Variants in BMPR2 observed in about 807,000 individuals in gnomAD.
The protein encoded by BMPR2 is bone morphogenetic protein receptor type 2, also known as bone morphogenetic protein receptor type-2.
In BMPR2, 29 loss-of-function variants were observed where a neutral mutation model predicts 100.8. That is an observed-to-expected ratio of 0.29 (90% CI 0.21 to 0.39). BMPR2 has a LOEUF of 0.39. BMPR2 is among the 10% of genes least tolerant of loss of function. BMPR2 has a pLI of 1.00. For synonymous variants in BMPR2, 382 were observed against 442.3 expected, an observed-to-expected ratio of 0.86 and a Z score of 1.71; for missense variants, 1,011 against 1,274.5, an observed-to-expected ratio of 0.79 and a Z score of 3.15.
Position 202,555,882 on chromosome 2 carries a change from T to A in BMPR2, c.2217T>A (p.Pro739=), listed in dbSNP as rs761854016. Residue 739 remains proline (P), a synonymous_variant, in exon 12 of 13, where the codon CCT becomes CCA. Coordinates refer to ENST00000374580, the MANE Select transcript of BMPR2 (RefSeq NM_001204.7). ...GQACLIPDVL[P]TQIYPLPKQQ... ...CATGTTTGATTCCTGATGTTCTGCC[T>A]ACTCAGATCTATCCTCTCCCCAAGC... 1.2e-6 allele frequency: 2 copies of A among 1,614,172 alleles called. No individual in the cohort carries two copies. Among genetic ancestry groups the A allele is most frequent in the South Asian group, 2.2e-5 (2 of 91,092 alleles).
In BMPR2 at chr2:202,495,255, G is replaced by A. The variant is rs1034540388; in HGVS notation, c.419-18464G>A. ...ACCTGGGCTTGGAGAATGAGTGCAAGGTTTATTAGTAGAAGTAGCTCTCAG... is the reference window on the plus strand; with the variant it reads ...ACCTGGGCTTGGAGAATGAGTGCAAAGTTTATTAGTAGAAGTAGCTCTCAG... On this transcript the variant is annotated intron_variant, in intron 3 of 12. Transcript: ENST00000374580. The surrounding 1 kb of genome is among the most constrained non-coding windows in gnomAD (Gnocchi z 4.5). Among the ~76,000 whole-genome samples, 1 of 152,204 alleles carries A rather than the reference G, an allele frequency of 6.6e-6. No homozygotes were observed. The highest frequency in any genetic ancestry group is 2.4e-5 in the African/African-American group (1 of 41,448).
chr2:202,517,764 A>G (rs933566432), intron 5 of BMPR2, among the ~76,000 whole-genome samples: 1 of 151,836 alleles, frequency 6.6e-6, no homozygotes, highest in Non-Finnish European at 1.5e-5. Flanking sequence ...TGGCTGTCCA[A>G]AATATGTCCT....
chr2:202,549,951 G>T (rs946952192), intron 10 of BMPR2, among the ~76,000 whole-genome samples: 5 of 152,084 alleles, frequency 3.3e-5, no homozygotes, highest in African/African-American at 1.2e-4. Flanking sequence ...TATCACCCAG[G>T]CTGGAGTACA....
intron 1 of BMPR2, among the ~76,000 whole-genome samples, chr2:202,463,210 G>A (rs1227893336): frequency 6.6e-6 from 1 of 152,150 alleles, no homozygotes; most frequent in Non-Finnish European, 1.5e-5. Context: ...GGGGTGGAAG[G>A]AGGGCAACAT....
At position 202,530,831 on chromosome 2, in the gene BMPR2, C is replaced by T; in HGVS notation, c.1005C>T (p.Asn335=). The T allele has an allele frequency of 6.2e-7, 1 of 1,613,542 alleles. No homozygotes were observed. Among genetic ancestry groups the T allele is most frequent in the Non-Finnish European group, 8.5e-7 (1 of 1,179,646 alleles). ...YKPAISHRDL[N]SRNVLVKNDG... ...CTGCAATTTCCCATCGAGATTTAAA[C>T]AGCAGAAATGTCCTAGTGAAAAATG... Residue 335 remains asparagine (N), a synonymous_variant, in exon 8 of 13, where the codon AAC becomes AAT. Transcript: ENST00000374580.
In BMPR2 at chr2:202,518,963, G is replaced by A. The variant is rs771996464; in HGVS notation, c.763G>A (p.Asp255Asn). 2.5e-6 allele frequency: 4 copies of A among 1,614,084 alleles called. No individual in the cohort carries two copies. The South Asian group carries it at 4.4e-5, about 18-fold the overall frequency. The change falls in exon 6 of 13, where the codon GAC becomes AAC. Residue 255 changes from aspartate to asparagine, a missense_variant. Physicochemically the swap from Asp to Asn is conservative, Grantham distance 23. Around this residue, in one of 6 missense-constraint regions of BMPR2, gnomAD observed 355 missense variants for 455.3 expected, o/e 0.78. Transcript: ENST00000374580. The part of the protein sequence containing the change: ...NIYRVPLMEH[D>N]NIARFIVGDE... Reference sequence around the variant, plus strand: ...TTACAGAGTGCCTTTGATGGAACATGACAACATTGCCCGCTTTATAGTTGG... The same window carrying A: ...TTACAGAGTGCCTTTGATGGAACATAACAACATTGCCCGCTTTATAGTTGG...
intron 1 of BMPR2, among the ~76,000 whole-genome samples, chr2:202,438,088 C>A (rs559083730): frequency 6.7e-6 from 1 of 149,920 alleles, no homozygotes; most frequent in Non-Finnish European, 1.5e-5. Context: ...TGAAGGTGGG[C>A]GGATCACCTG....
chr2:202,565,383 A>G lies in BMPR2; in HGVS notation c.*5437A>G, dbSNP rs1231747555. 2 of 152,270 alleles carry G rather than the reference A, an allele frequency of 1.3e-5. No individual in the cohort carries two copies. Among genetic ancestry groups the G allele is most frequent in the African/African-American group, 4.8e-5 (2 of 41,442 alleles). 9.4% of individuals were successfully genotyped at this position (152,270 alleles called of 1,614,324 possible). A position where few individuals can be genotyped will look rare whatever the true frequency, so the allele number is the denominator to read the frequency against. ...TATATTTTCTTTTATATTCAAATTCATTACTCCAGTTAAGTAATAGTTTGA... is the reference window on the plus strand; with the variant it reads ...TATATTTTCTTTTATATTCAAATTCGTTACTCCAGTTAAGTAATAGTTTGA... On this transcript the variant is annotated 3_prime_UTR_variant, in exon 13 of 13. Coordinates refer to ENST00000374580, the MANE Select transcript of BMPR2 (RefSeq NM_001204.7).
intron 7 of BMPR2, among the ~76,000 whole-genome samples, chr2:202,521,642 A>G (rs944312027): frequency 6.6e-6 from 1 of 151,682 alleles, no homozygotes; most frequent in Non-Finnish European, 1.5e-5. Flanking sequence ...ATCTGTTTGT[A>G]TTTCCTACCT....
chr2:202,454,838 G>A (rs183195854), intron 1 of BMPR2, among the ~76,000 whole-genome samples: 4 of 152,250 alleles, frequency 2.6e-5, no homozygotes, highest in African/African-American at 9.6e-5. Context: ...CAATAGACTC[G>A]ATGTCTTGAA....
rs757891434 is a variant in BMPR2 at position 202,542,266 on chromosome 2, A to G, written c.1277-45A>G. On this transcript the variant is annotated intron_variant, in intron 9 of 12. Coordinates refer to ENST00000374580, the MANE Select transcript of BMPR2 (RefSeq NM_001204.7). Reference sequence around the variant, plus strand: ...TACCCCTGTTATTCTATCATTTATGATAGTTAGAAATTTTATTCTGTCATT... The same window carrying G: ...TACCCCTGTTATTCTATCATTTATGGTAGTTAGAAATTTTATTCTGTCATT... 7 of 1,606,160 alleles carry G rather than the reference A, an allele frequency of 4.4e-6. No individual in the cohort carries two copies. The African/African-American group carries it at 5.3e-5, about 12-fold the overall frequency.
chr2:202,432,321 T>A (rs898799494), intron 1 of BMPR2, among the ~76,000 whole-genome samples: 1 of 150,858 alleles, frequency 6.6e-6, no homozygotes, highest in African/African-American at 2.5e-5. Context: ...GATTTATTCC[T>A]TGCCGGTTAT....
Position 202,562,285 on chromosome 2 carries a change from G to A in BMPR2, c.*2339G>A, listed in dbSNP as rs144896813. 240 of 152,412 alleles carry A rather than the reference G, an allele frequency of 1.6e-3. 1 individual carries two copies. Among genetic ancestry groups the A allele is most frequent in the African/African-American group, 5.3e-3 (218 of 41,458 alleles). The allele number at this position is 152,412 out of a possible 1,614,324, so 9.4% of individuals were successfully genotyped here. ...GGTTGTCCAACATTTTTTAATATTG[G>A]GAAAATTATGATAAAATGCTTTAAA... On this transcript the variant is annotated 3_prime_UTR_variant, in exon 13 of 13. Transcript: ENST00000374580.
chr2:202,480,953 T>TAAAAAAAAAA (rs71035011), intron 3 of BMPR2, among the ~76,000 whole-genome samples: 1 of 43,356 alleles, frequency 2.3e-5, no homozygotes, highest in African/African-American at 1.0e-4. Flanking sequence ...AGACTCCGTC[T>TAAAAAAAAAA]AAAAAAAAAA....
At chr2:202,445,772 T>A (rs1034474820) in intron 1 of BMPR2, among the ~76,000 whole-genome samples, 4 of 25,628 alleles carry the variant, frequency 1.6e-4, no homozygotes, top group East Asian at 3.0e-3. Flanking sequence ...ACAAACATAA[T>A]TTTTTTTTTT....
chr2:202,497,426 G>A (rs879576305), intron 3 of BMPR2, among the ~76,000 whole-genome samples: 16 of 152,202 alleles, frequency 1.1e-4, no homozygotes, highest in African/African-American at 3.4e-4. Flanking sequence ...AGTGACTAGC[G>A]CAGCTGCCAG....
In BMPR2 at chr2:202,542,304, T is replaced by C; in HGVS notation, c.1277-7T>C. 1 of 1,613,636 alleles carries C rather than the reference T, an allele frequency of 6.2e-7. No homozygotes were observed. On this transcript the variant is annotated splice_region_variant and splice_polypyrimidine_tract_variant and intron_variant, in intron 9 of 12. Coordinates refer to ENST00000374580, the MANE Select transcript of BMPR2 (RefSeq NM_001204.7). Reference sequence around the variant, plus strand: ...TTATTCTGTCATTCTTTTCTACAAATCCACAGGGGAATCCGTACCAGAGTA... The same window carrying C: ...TTATTCTGTCATTCTTTTCTACAAACCCACAGGGGAATCCGTACCAGAGTA...
Position 202,561,813 on chromosome 2 carries a change from T to G in BMPR2, c.*1867T>G, listed in dbSNP as rs1688682539. Reference sequence around the variant, plus strand: ...TCTCATTTGCCATGTGCTGTGATCTTACAAGTTAGATGTTACTATACCTAC... The same window carrying G: ...TCTCATTTGCCATGTGCTGTGATCTGACAAGTTAGATGTTACTATACCTAC... On this transcript the variant is annotated 3_prime_UTR_variant, in exon 13 of 13. Coordinates refer to ENST00000374580, the MANE Select transcript of BMPR2 (RefSeq NM_001204.7). 6.6e-6 allele frequency: 1 copy of G among 152,170 alleles called. No individual in the cohort carries two copies. Among genetic ancestry groups the G allele is most frequent in the Non-Finnish European group, 1.5e-5 (1 of 67,988 alleles). The allele number at this position is 152,170 out of a possible 1,614,324, so 9.4% of individuals were successfully genotyped here.
intron 12 of BMPR2, 100 bp downstream of exon 12, chr2:202,556,631 T>G: frequency 1.5e-6 from 2 of 1,358,174 alleles, no homozygotes; most frequent in Non-Finnish European, 2.0e-6. Context: ...TAGTGATTAT[T>G]TACCTTTACC....
Sources: gnomAD v4.1 joint callset for allele counts (sites outside exome capture counted in the v4.1 genomes callset) on GRCh38, gnomAD v4.1.1 for gene constraint, gnomAD v4.1.1 regional missense constraint, Gnocchi (gnomAD v3.1) non-coding constraint, MANE v1.5 for transcripts, NCBI Gene and HGNC (gene_info 2026-07-23, HGNC 2026-07-21) for gene names.